The following PCDH15 variants were observed in gnomAD, a reference collection of about 807,000 sequenced individuals.
The protein encoded by PCDH15 is protocadherin related 15, also known as protocadherin-15.
A neutral mutation model predicts 178.5 loss-of-function variants in PCDH15; 129 were observed. That is an observed-to-expected ratio of 0.72 (90% CI 0.63 to 0.84). The LOEUF (loss-of-function observed/expected upper bound fraction) is 0.84. Ranked by LOEUF, PCDH15 falls within the 40% of genes least tolerant of loss-of-function variation. The pLI is 0.00. For missense variants in PCDH15, 2,230 were observed against 2,099.9 expected (o/e 1.06, Z -1.21); for synonymous variants, 800 against 732.0 (o/e 1.09, Z -1.50).
At chr10:54,912,979 C>T (rs557928868) in intron 2 of PCDH15, among the ~76,000 whole-genome samples, 1 of 152,192 alleles carries the variant, frequency 6.6e-6, no homozygotes. Context: ...CTTCTGAAAG[C>T]CTACACTCAT....
chr10:55,521,666 G>A (rs1483575638), intron 2 of PCDH15, among the ~76,000 whole-genome samples: 1 of 151,960 alleles, frequency 6.6e-6, no homozygotes, highest in East Asian at 1.9e-4. Context: ...ACATGGGCGT[G>A]CAGATATCTT....
At chr10:54,732,661 G>A (rs1202687341) in intron 1 of PCDH15, among the ~76,000 whole-genome samples, 2 of 151,472 alleles carry the variant, frequency 1.3e-5, no homozygotes. Flanking sequence ...AAATAGAAGA[G>A]GAAGTAACAA....
At chr10:54,721,295 G>C (rs1202236320) in intron 1 of PCDH15, among the ~76,000 whole-genome samples, 2 of 151,664 alleles carry the variant, frequency 1.3e-5, no homozygotes, top group African/African-American at 4.8e-5. Context: ...TGATCTCAAA[G>C]TAACATCCAA....
intron 26 of PCDH15, among the ~76,000 whole-genome samples, chr10:53,880,747 T>C (rs1291749942): frequency 1.3e-5 from 2 of 152,194 alleles, no homozygotes; most frequent in African/African-American, 4.8e-5. Context: ...AAGTAATTAT[T>C]ACCAAACAAA....
chr10:54,449,866 A>C (rs1398721112), intron 3 of PCDH15, among the ~76,000 whole-genome samples: 1 of 151,688 alleles, frequency 6.6e-6, no homozygotes, highest in Non-Finnish European at 1.5e-5. Context: ...CCTGGAATCC[A>C]TCCCCCATGG....
intron 21 of PCDH15, among the ~76,000 whole-genome samples, chr10:53,975,284 T>C (rs2090093398): frequency 6.6e-6 from 1 of 152,212 alleles, no homozygotes; most frequent in Admixed American, 6.5e-5. Context: ...TTTATTTTTC[T>C]TTGGTTATAT....
chr10:55,283,086 C>A (rs145299170), intron 1 of PCDH15, among the ~76,000 whole-genome samples: 2 of 152,178 alleles, frequency 1.3e-5, no homozygotes, highest in African/African-American at 4.8e-5. Flanking sequence ...AGGAGTCATG[C>A]AGCTGGAGGC....
intron 1 of PCDH15, among the ~76,000 whole-genome samples, chr10:54,781,415 G>A (rs923337103): frequency 3.0e-4 from 45 of 152,084 alleles, no homozygotes; most frequent in Non-Finnish European, 3.7e-4. Context: ...GTCAAATATA[G>A]GAAGACACTT....
rs545016377 is a variant in PCDH15, at chr10:55,007,978, T to G, written c.-79-110478A>C. ...AGACATTTTAGAATATTTTCCTTTA[T>G]TTCAAAGGAAATATCCATTATTTCA... On this transcript the variant is annotated intron_variant, in intron 2 of 5. Coordinates refer to the PCDH15 transcript ENST00000458638. Among the ~76,000 whole-genome samples the G allele has an allele frequency of 2.6e-5, 4 of 152,296 alleles. No individual in the cohort carries two copies. The East Asian group carries it at 7.7e-4, about 29-fold the overall frequency.
chr10:54,927,565 G>T (rs1837663198), intron 2 of PCDH15, among the ~76,000 whole-genome samples: 1 of 149,856 alleles, frequency 6.7e-6, no homozygotes, highest in Non-Finnish European at 1.5e-5. Context: ...TTGTGTGAGA[G>T]TCTAAGTCTC....
intron 21 of PCDH15, among the ~76,000 whole-genome samples, chr10:53,971,540 C>G (rs921628417): frequency 5.9e-5 from 9 of 152,112 alleles, no homozygotes; most frequent in Non-Finnish European, 1.0e-4. Context: ...TAGACAACCC[C>G]ATCATCTCAG....
intron 1 of PCDH15, among the ~76,000 whole-genome samples, chr10:54,716,247 G>A (rs993818088): frequency 1.3e-5 from 2 of 152,140 alleles, no homozygotes; most frequent in African/African-American, 4.8e-5. Flanking sequence ...TGAGGCAACA[G>A]AGAGCTTCTC....
At chr10:54,304,599 G>A (rs531245031) in intron 8 of PCDH15, among the ~76,000 whole-genome samples, 2 of 152,146 alleles carry the variant, frequency 1.3e-5, no homozygotes, top group South Asian at 2.1e-4. Context: ...AGCCATACAC[G>A]GGCATTGAGA....
Position 54,527,782 on chromosome 10 carries a change from A to C in PCDH15, c.157+30T>G, listed in dbSNP as rs2083494340. ...AATCTGAAGAAAACCCTCTTAGATA[A>C]GACATTTGTAAAATAAAAAACTCAC... On this transcript the variant is annotated intron_variant, in intron 3 of 37. Transcript: ENST00000644397. The C allele has an allele frequency of 2.6e-6, 4 of 1,548,728 alleles. No individual in the cohort carries two copies. The East Asian group carries it at 9.0e-5, about 35-fold the overall frequency.
chr10:54,702,558 A>AAAG (rs3071739), intron 1 of PCDH15, among the ~76,000 whole-genome samples: 1 of 150,820 alleles, frequency 6.6e-6, no homozygotes, highest in Non-Finnish European at 1.5e-5. Context: ...AAAAAAAAAA[A>AAAG]CCTTCAAGTA....
intron 1 of PCDH15, among the ~76,000 whole-genome samples, chr10:55,303,296 A>C (rs1843335640): frequency 6.6e-6 from 1 of 152,192 alleles, no homozygotes; most frequent in African/African-American, 2.4e-5. Context: ...AAATTTCATT[A>C]CTGAAGGGTT....
chr10:55,484,013 A>T (rs756637315), intron 2 of PCDH15, among the ~76,000 whole-genome samples: 2 of 151,806 alleles, frequency 1.3e-5, no homozygotes, highest in Non-Finnish European at 2.9e-5. Context: ...ACATGGATGG[A>T]TCTGGAGGCC....
Position 54,153,249 on chromosome 10 carries a change from T to C in PCDH15, c.1635A>G (p.Thr545=), listed in dbSNP as rs779557482. The C allele has an allele frequency of 7.4e-6, 12 of 1,613,806 alleles. No homozygotes were observed. In the African/African-American group the frequency reaches 1.1e-4, roughly 14 times the overall value. Residue 545 remains threonine, a synonymous_variant, in exon 14 of 38, where the codon ACA becomes ACG. Coordinates refer to ENST00000644397, the MANE Select transcript of PCDH15 (RefSeq NM_001384140.1). ...CCTGAGCCCCAACAAGGATTTCATATGTGATCTCCCCATTTGACCCTTCGT... is the reference window on the plus strand; with the variant it reads ...CCTGAGCCCCAACAAGGATTTCATACGTGATCTCCCCATTTGACCCTTCGT... ...DADEGSNGEI[T]YEILVGAQGD...
At chr10:53,942,815 C>G (rs1004559391) in intron 23 of PCDH15, among the ~76,000 whole-genome samples, 2 of 152,136 alleles carry the variant, frequency 1.3e-5, no homozygotes, top group Non-Finnish European at 2.9e-5. Context: ...TAACCCATGC[C>G]TGGATTCCTG....
Sources: allele counts gnomAD v4.1 joint callset (sites outside exome capture counted in the v4.1 genomes callset), GRCh38; gene constraint gnomAD v4.1.1; transcripts MANE v1.5; gene names NCBI Gene and HGNC (gene_info 2026-07-23, HGNC 2026-07-21).